SLC39A8: variants seen among roughly 807,000 people sequenced by gnomAD.
SLC39A8 encodes solute carrier family 39 member 8.
SLC39A8 carries 15 observed loss-of-function variants against 40.4 expected under a neutral mutation model. That is an observed-to-expected ratio of 0.37 (90% CI 0.25 to 0.57). The LOEUF (loss-of-function observed/expected upper bound fraction) is 0.57. SLC39A8 is among the 20% of genes least tolerant of loss of function. The pLI, the probability that SLC39A8 is intolerant of heterozygous loss-of-function variation, is 0.75. For synonymous variants in SLC39A8, 223 were observed against 221.6 expected, an observed-to-expected ratio of 1.01 and a Z score of -0.06; for missense variants, 472 against 558.8, an observed-to-expected ratio of 0.84 and a Z score of 1.57.
chr4:102,329,485 T>C (rs1172488076), intron 2 of SLC39A8, among the ~76,000 whole-genome samples: 1 of 152,016 alleles, frequency 6.6e-6, no homozygotes, highest in Admixed American at 6.5e-5. Flanking sequence ...TAGCTGGGCA[T>C]GGTGGTGGGC....
intron 6 of SLC39A8, among the ~76,000 whole-genome samples, chr4:102,278,939 G>C (rs535638732): frequency 6.6e-6 from 1 of 151,632 alleles, no homozygotes; most frequent in South Asian, 2.1e-4. Flanking sequence ...AGTGAGAGTT[G>C]AACAATGAGA....
chr4:102,259,430 T>G, downstream of SLC39A8: 1 of 1,483,452 alleles, frequency 6.7e-7, no homozygotes, highest in Non-Finnish European at 9.2e-7. Flanking sequence ...GCCCACCCAT[T>G]AAAATTGTTC....
rs556760314 is a variant in SLC39A8 at position 102,334,965 on chromosome 4, G to A, written c.219+9479C>T. Among the ~76,000 whole-genome samples, 4 of 152,124 alleles carry A rather than the reference G, an allele frequency of 2.6e-5. No homozygotes were observed. The East Asian group carries it at 5.8e-4, about 22-fold the overall frequency. ...ATGCCTGGAACACAAGAAGTGCTCC[G>A]TAATTGTTAGTAAATATTCTTACTA... is the stretch of plus-strand genomic sequence containing the variant. On this transcript the variant is annotated intron_variant, in intron 2 of 8. Transcript: ENST00000356736.
intron 8 of SLC39A8, among the ~76,000 whole-genome samples, chr4:102,264,848 A>G (rs1183242474): frequency 6.6e-6 from 1 of 152,192 alleles, no homozygotes; most frequent in Admixed American, 6.5e-5. Flanking sequence ...GCTAATGTCC[A>G]GTTTTTCTTC....
At chr4:102,318,026 A>G (rs889406612) in intron 2 of SLC39A8, among the ~76,000 whole-genome samples, 3 of 152,216 alleles carry the variant, frequency 2.0e-5, no homozygotes, top group African/African-American at 7.2e-5. Flanking sequence ...CACATCATAT[A>G]TAACATGAAC....
intron 6 of SLC39A8, 22 bp downstream of exon 6, chr4:102,304,295 G>A (rs1366404167): frequency 1.9e-6 from 3 of 1,589,484 alleles, no homozygotes; most frequent in Non-Finnish European, 2.6e-6. Context: ...TATAATGAAG[G>A]AAAAATGGAA....
intron 6 of SLC39A8, among the ~76,000 whole-genome samples, chr4:102,278,408 T>C (rs1732718295): frequency 6.6e-6 from 1 of 152,352 alleles, no homozygotes; most frequent in South Asian, 2.1e-4. Flanking sequence ...CCACTGATCA[T>C]TAGCGAAATG....
At chr4:102,325,922 G>A (rs1735176884) in intron 2 of SLC39A8, among the ~76,000 whole-genome samples, 1 of 152,160 alleles carries the variant, frequency 6.6e-6, no homozygotes, top group Non-Finnish European at 1.5e-5. Context: ...TCATAGTGAT[G>A]GACAAGTTTC....
intron 6 of SLC39A8, 56 bp from the exon 7 acceptor site, chr4:102,268,135 C>T: frequency 6.3e-7 from 1 of 1,585,722 alleles, no homozygotes; most frequent in Non-Finnish European, 8.7e-7. Flanking sequence ...CTCAGAAATA[C>T]AGACAAGTTG....
At position 102,262,676 on chromosome 4, in the gene SLC39A8, C is replaced by T. The variant is rs919053699; in HGVS notation, c.*368G>A. ...GAAACCATTTGAATCTTTGATCCTA[C>T]CATAGAGTTTTAAAGGCTTTCAGGA... On this transcript the variant is annotated 3_prime_UTR_variant, in exon 9 of 9. Transcript: ENST00000356736. The T allele has an allele frequency of 2.0e-6, 2 of 994,962 alleles. No homozygotes were observed. Among genetic ancestry groups the T allele is most frequent in the African/African-American group, 3.5e-5 (2 of 57,544 alleles). 61.6% of individuals were successfully genotyped at this position (994,962 alleles called of 1,614,324 possible). A position where few individuals can be genotyped will look rare whatever the true frequency, so the allele number is the denominator to read the frequency against.
chr4:102,309,568 C>T (rs1048979254), intron 3 of SLC39A8, among the ~76,000 whole-genome samples: 1 of 152,130 alleles, frequency 6.6e-6, no homozygotes, highest in African/African-American at 2.4e-5. Context: ...AAACATACTT[C>T]TATCCATCAC....
At chr4:102,269,037 C>T (rs1230020726) in intron 6 of SLC39A8, among the ~76,000 whole-genome samples, 1 of 152,126 alleles carries the variant, frequency 6.6e-6, no homozygotes, top group Non-Finnish European at 1.5e-5. Context: ...ATTTATTGAA[C>T]TTCTGAAATT....
chr4:102,291,592 C>T (rs908971657), intron 6 of SLC39A8, among the ~76,000 whole-genome samples: 1 of 152,144 alleles, frequency 6.6e-6, no homozygotes, highest in African/African-American at 2.4e-5. Flanking sequence ...CTAGGGTCCA[C>T]AGGGGTTCCT....
chr4:102,338,664 G>C (rs1020799073), intron 2 of SLC39A8, among the ~76,000 whole-genome samples: 1 of 152,170 alleles, frequency 6.6e-6, no homozygotes, highest in African/African-American at 2.4e-5. Flanking sequence ...GCTCTAGCTA[G>C]AGAAAGTATG....
chr4:102,253,975 G>A (rs2148997878), intron 11 of SLC39A8, among the ~76,000 whole-genome samples: 1 of 152,176 alleles, frequency 6.6e-6, no homozygotes, highest in South Asian at 2.1e-4. Context: ...ACACTCTACA[G>A]TTCTCTTTTG....
intron 3 of SLC39A8, among the ~76,000 whole-genome samples, chr4:102,308,497 C>G (rs949922761): frequency 2.6e-5 from 4 of 152,084 alleles, no homozygotes; most frequent in African/African-American, 4.8e-5. Flanking sequence ...TTCCCTCTCT[C>G]TATCTTAAAG....
At chr4:102,320,284 GTATATATATGAGAATATATATATGAGTA>G (rs1360689530) in intron 2 of SLC39A8, among the ~76,000 whole-genome samples, 10 of 118,848 alleles carry the variant, frequency 8.4e-5, no homozygotes, top group South Asian at 5.6e-4. Flanking sequence ...TTATATATGA[GTATATATATGAGAATATATATATGAGTA>G]TATATATATG....
At chr4:102,268,373 T>C (rs1732199772) in intron 6 of SLC39A8, among the ~76,000 whole-genome samples, 1 of 152,242 alleles carries the variant, frequency 6.6e-6, no homozygotes, top group Non-Finnish European at 1.5e-5. Context: ...CTTTCTAAAA[T>C]GTAGCAGATA....
chr4:102,278,039 G>A (rs9685793), intron 6 of SLC39A8, among the ~76,000 whole-genome samples: 2,258 of 152,320 alleles, frequency 0.015, 65 homozygotes, highest in African/African-American at 0.05. Context: ...AACCCTAGAA[G>A]GAAACCTAGG....
Sources: gnomAD v4.1 joint callset for allele counts (sites outside exome capture counted in the v4.1 genomes callset) on GRCh38, gnomAD v4.1.1 for gene constraint, MANE v1.5 for transcripts, NCBI Gene and HGNC (gene_info 2026-07-23, HGNC 2026-07-21) for gene names.